The following GMEB2 variants were observed in gnomAD, a reference collection of about 807,000 sequenced individuals.
GMEB2 encodes the protein glucocorticoid modulatory element-binding protein 2.
Under a neutral mutation model 45.7 loss-of-function variants are expected in GMEB2, and 7 were observed. That is an observed-to-expected ratio of 0.15 (90% CI 0.09 to 0.29). The LOEUF is 0.29. Among genes scored for constraint, GMEB2 ranks in the 10% least tolerant of loss-of-function variants. GMEB2 has a pLI of 1.00. For synonymous variants in GMEB2, 322 were observed against 323.6 expected (o/e 1.00, Z 0.05); for missense variants, 582 against 739.2 (o/e 0.79, Z 2.47).
intron 4 of GMEB2, 127 bp from the exon 5 acceptor site, chr20:63,597,987 G>A (rs1182399980): frequency 4.7e-6 from 3 of 644,452 alleles, no homozygotes; most frequent in Admixed American, 2.2e-5. Context: ...TCTGACCGGT[G>A]CAGGCCTCCT....
At chr20:63,599,934 C>T (rs1320758177) in intron 4 of GMEB2, among the ~76,000 whole-genome samples, 1 of 152,340 alleles carries the variant, frequency 6.6e-6, no homozygotes, top group East Asian at 1.9e-4. Flanking sequence ...TTCTCTTACG[C>T]AGCCACAGAA....
Position 63,615,423 on chromosome 20 carries a change from C to G in GMEB2, c.131+3844G>C, listed in dbSNP as rs150844025. 1.9e-3 allele frequency among the ~76,000 whole-genome samples: 283 copies of G among 152,214 alleles called. 1 individual carries two copies. The highest frequency in any genetic ancestry group is 6.5e-3 in the African/African-American group (271 of 41,528). ...CACTGCAGCCTCAACCTCTCTCAGG[C>G]TCAAGCAATCCTCCCGCCTCAACCT... On this transcript the variant is annotated intron_variant, in intron 2 of 9. Coordinates refer to ENST00000370077, the MANE Select transcript of GMEB2 (RefSeq NM_012384.5).
At chr20:63,617,093 G>A (rs1305087592) in intron 2 of GMEB2, among the ~76,000 whole-genome samples, 1 of 151,850 alleles carries the variant, frequency 6.6e-6, no homozygotes, top group East Asian at 1.9e-4. Flanking sequence ...TCCTGCTTCA[G>A]CCTCCTGAGT....
Position 63,589,968 on chromosome 20 carries a change from G to T in GMEB2, c.*121C>A. 2 of 712,650 alleles carry T rather than the reference G, an allele frequency of 2.8e-6. No homozygotes were observed. The highest frequency in any genetic ancestry group is 4.2e-6 in the Non-Finnish European group (2 of 471,366). 44.1% of individuals were successfully genotyped at this position (712,650 alleles called of 1,614,324 possible). ...ATTTGTTTTGGCGATTCCTCTCTTT[G>T]GTTCTGCAGACCACGTGACCCACCT... On this transcript the variant is annotated 3_prime_UTR_variant, in exon 10 of 10. Coordinates refer to ENST00000370077, the MANE Select transcript of GMEB2 (RefSeq NM_012384.5).
chr20:63,590,039 C>G lies in GMEB2; in HGVS notation c.*50G>C. 6.8e-7 allele frequency: 1 copy of G among 1,465,872 alleles called. No individual in the cohort carries two copies. The highest frequency in any genetic ancestry group is 9.0e-7 in the Non-Finnish European group (1 of 1,109,246). The allele number at this position is 1,465,872 out of a possible 1,614,324, so 90.8% of individuals were successfully genotyped here. A position where few individuals can be genotyped will look rare whatever the true frequency, so the allele number is the denominator to read the frequency against. ...CTCTGCCCGCTCCCTGCTGCCGCGG[C>G]TGAGAGACAGCCAGCCCTGTCCGTC... On this transcript the variant is annotated 3_prime_UTR_variant, in exon 10 of 10. Transcript: ENST00000370077.
chr20:63,592,803 C>T lies in GMEB2; in HGVS notation c.692-133G>A, dbSNP rs2083160336. 2 of 835,068 alleles carry T rather than the reference C, an allele frequency of 2.4e-6. No homozygotes were observed. Among genetic ancestry groups the T allele is most frequent in the African/African-American group, 3.4e-5 (2 of 59,336 alleles). 51.7% of individuals were successfully genotyped at this position (835,068 alleles called of 1,614,324 possible). On this transcript the variant is annotated intron_variant, in intron 7 of 9. Coordinates refer to ENST00000370077, the MANE Select transcript of GMEB2 (RefSeq NM_012384.5). The surrounding 1 kb of genome is among the most constrained non-coding windows in gnomAD (Gnocchi z 8.2). ...CGGCAGCGCCTGGCACTGTGCTGGGCTTGCACTGCCCAGACACATCCACAG... is the reference window on the plus strand; with the variant it reads ...CGGCAGCGCCTGGCACTGTGCTGGGTTTGCACTGCCCAGACACATCCACAG...
At position 63,592,941 on chromosome 20, in the gene GMEB2, G is replaced by A; in HGVS notation, c.691+70C>T. 1 of 1,034,486 alleles carries A rather than the reference G, an allele frequency of 9.7e-7. No individual in the cohort carries two copies. Among genetic ancestry groups the A allele is most frequent in the Admixed American group, 2.0e-5 (1 of 50,690 alleles). The allele number at this position is 1,034,486 out of a possible 1,614,324, so 64.1% of individuals were successfully genotyped here. On this transcript the variant is annotated intron_variant, in intron 7 of 9. Coordinates refer to ENST00000370077, the MANE Select transcript of GMEB2 (RefSeq NM_012384.5). The surrounding 1 kb of genome is among the most constrained non-coding windows in gnomAD (Gnocchi z 8.2). ...CCTGGACTCCTGGAGCCCCTGTGTG[G>A]CCCGAGGTGGGCAGAGACTCCACCA...
At chr20:63,626,553 TGGTGGC>T (rs373884044) in intron 1 of GMEB2, among the ~76,000 whole-genome samples, 1 of 75,434 alleles carries the variant, frequency 1.3e-5, no homozygotes. Context: ...GCGGGTCGCG[TGGTGGC>T]CCCTGCGGGT....
At chr20:63,614,206 T>C (rs1222364495) in intron 2 of GMEB2, among the ~76,000 whole-genome samples, 1 of 152,166 alleles carries the variant, frequency 6.6e-6, no homozygotes, top group Admixed American at 6.6e-5. Flanking sequence ...TCATTCATCA[T>C]TAGTTTGTAG....
At chr20:63,608,393 T>C (rs369182356) in intron 2 of GMEB2, among the ~76,000 whole-genome samples, 3 of 3,804 alleles carry the variant, frequency 7.9e-4, no homozygotes, top group African/African-American at 5.1e-4. Flanking sequence ...CCCTCTGACC[T>C]CACCTCCATT....
chr20:63,607,011 A>G (rs1319966244), intron 2 of GMEB2, among the ~76,000 whole-genome samples: 1 of 152,088 alleles, frequency 6.6e-6, no homozygotes, highest in Non-Finnish European at 1.5e-5. Context: ...CTCCGCCTGC[A>G]GCCTAGAAAC....
intron 2 of GMEB2, among the ~76,000 whole-genome samples, chr20:63,612,886 C>G (rs149810900): frequency 6.6e-6 from 1 of 152,234 alleles, no homozygotes; most frequent in Non-Finnish European, 1.5e-5. Flanking sequence ...AACCACGAAC[C>G]AACCAACAGA....
intron 2 of GMEB2, among the ~76,000 whole-genome samples, chr20:63,612,762 GCC>G (rs60131725): frequency 0.12 from 17,659 of 152,066 alleles, 1,185 homozygotes; most frequent in African/African-American, 0.12. Context: ...GCCTACCTGT[GCC>G]TCAGACTGCC....
intron 2 of GMEB2, among the ~76,000 whole-genome samples, chr20:63,617,452 T>A (rs1291703180): frequency 6.6e-6 from 1 of 152,142 alleles, no homozygotes; most frequent in East Asian, 1.9e-4. Context: ...AAAATAACTC[T>A]CTGCTGTTCA....
In GMEB2 at chr20:63,619,575, C is replaced by A. The variant is rs374330850; in HGVS notation, c.-57-121G>T. 1 of 540,464 alleles carries A rather than the reference C, an allele frequency of 1.9e-6. No homozygotes were observed. The allele number at this position is 540,464 out of a possible 1,614,324, so 33.5% of individuals were successfully genotyped here. On this transcript the variant is annotated intron_variant, in intron 1 of 9. Coordinates refer to ENST00000370077, the MANE Select transcript of GMEB2 (RefSeq NM_012384.5). This position sits in a 1 kb window ranked among gnomAD's most constrained non-coding sequence, Gnocchi z 4.6. ...ACCCTTGAGTCCCAGACTGCTACCT[C>A]CTGACAAAAACGAGCGGCAACAGAA...
At chr20:63,595,501 CT>C in intron 6 of GMEB2, 108 bp downstream of exon 6, 1 of 982,946 alleles carries the variant, frequency 1.0e-6, no homozygotes, top group Non-Finnish European at 1.5e-6. Context: ...ACCGGCAGTC[CT>C]GGCGTGAGCA....
At chr20:63,617,215 A>T (rs1008688725) in intron 2 of GMEB2, among the ~76,000 whole-genome samples, 3 of 152,052 alleles carry the variant, frequency 2.0e-5, no homozygotes, top group African/African-American at 7.2e-5. Flanking sequence ...GGCTCAAGTG[A>T]TCTGTCTCCC....
At chr20:63,618,591 T>C (rs1267449651) in intron 2 of GMEB2, among the ~76,000 whole-genome samples, 2 of 152,120 alleles carry the variant, frequency 1.3e-5, no homozygotes, top group Non-Finnish European at 2.9e-5. Context: ...ATATGCTAGG[T>C]CAGCATGAAG....
intron 9 of GMEB2, 83 bp downstream of exon 9, chr20:63,591,939 A>T (rs2083150344): frequency 1.7e-6 from 2 of 1,212,008 alleles, no homozygotes; most frequent in Admixed American, 4.4e-5. Context: ...GTGCAGGTGG[A>T]TGCACAGCCG....
Sources: gnomAD v4.1 joint callset for allele counts (sites outside exome capture counted in the v4.1 genomes callset) on GRCh38, gnomAD v4.1.1 for gene constraint, Gnocchi (gnomAD v3.1) non-coding constraint, MANE v1.5 for transcripts, NCBI Gene and HGNC (gene_info 2026-07-23, HGNC 2026-07-21) for gene names.